FGD3: variants seen among roughly 807,000 people sequenced by gnomAD.
The protein encoded by FGD3 is FYVE, RhoGEF and PH domain-containing protein 3.
A neutral mutation model predicts 71.8 loss-of-function variants in FGD3; 45 were observed. The observed-to-expected ratio is 0.63, with a 90% confidence interval of 0.49 to 0.80. The LOEUF is 0.80. FGD3 is among the 30% of genes least tolerant of loss of function. FGD3 has a pLI of 0.00. For synonymous variants in FGD3, 378 were observed against 392.8 expected, an observed-to-expected ratio of 0.96 and a Z score of 0.44; for missense variants, 844 against 951.5, an observed-to-expected ratio of 0.89 and a Z score of 1.49.
intron 1 of FGD3, among the ~76,000 whole-genome samples, chr9:92,955,450 C>A: frequency 6.6e-6 from 1 of 152,012 alleles, no homozygotes; most frequent in East Asian, 1.9e-4. Flanking sequence ...GCAGCCTGGG[C>A]AAAGAGAGCA....
chr9:93,018,025 A>G, intron 10 of FGD3, 111 bp from the exon 11 acceptor site: 1 of 985,504 alleles, frequency 1.0e-6, no homozygotes, highest in Non-Finnish European at 1.6e-6. Context: ...GTGGGGCTGC[A>G]GGCTCACCTC....
Position 93,003,916 on chromosome 9 carries a change from C to G in FGD3, c.544-85C>G. On this transcript the variant is annotated intron_variant, in intron 4 of 17. Coordinates refer to ENST00000375482, the MANE Select transcript of FGD3 (RefSeq NM_001083536.2). This position sits in a 1 kb window ranked among gnomAD's most constrained non-coding sequence, Gnocchi z 4.1. ...GGTGGCAGCAGCGGCCCCTCCCGAG[C>G]GCCCTCACCTGTGGCCGAAGCGGGG... The G allele has an allele frequency of 6.5e-7, 1 of 1,530,198 alleles. No individual in the cohort carries two copies. Among genetic ancestry groups the G allele is most frequent in the Non-Finnish European group, 8.9e-7 (1 of 1,123,248 alleles). 94.8% of individuals were successfully genotyped at this position (1,530,198 alleles called of 1,614,324 possible).
At chr9:93,017,084 T>C (rs1412153523) in intron 10 of FGD3, among the ~76,000 whole-genome samples, 4 of 152,050 alleles carry the variant, frequency 2.6e-5, no homozygotes, top group African/African-American at 9.7e-5. Flanking sequence ...GCCTGGGCAA[T>C]GTAGTGAAAC....
chr9:92,963,498 C>A (rs1476965380), intron 1 of FGD3, among the ~76,000 whole-genome samples: 1 of 152,100 alleles, frequency 6.6e-6, no homozygotes, highest in Non-Finnish European at 1.5e-5. Context: ...CAGGGTTTCA[C>A]CAAGTTGGCC....
At position 93,015,781 on chromosome 9, in the gene FGD3, G is replaced by A. The variant is rs1290212757; in HGVS notation, c.1227G>A (p.Met409Ile). 2.5e-6 allele frequency: 4 copies of A among 1,614,036 alleles called. No homozygotes were observed. The African/African-American group carries it at 5.3e-5, about 22-fold the overall frequency. ...ACTGTGTGCCCAAGCTGCGGCTCATGGGCCAGAAGTTCAGCGTCCGGGAGA... is the reference window on the plus strand; with the variant it reads ...ACTGTGTGCCCAAGCTGCGGCTCATAGGCCAGAAGTTCAGCGTCCGGGAGA... ...ILYCVPKLRL[M>I]GQKFSVREKM... The change falls in exon 10 of 18, where the codon ATG becomes ATA. Residue 409 changes from methionine (M) to isoleucine (I), a missense_variant. Physicochemically the swap from Met to Ile is conservative, Grantham distance 10 (BLOSUM62 1). Transcript: ENST00000375482.
intron 1 of FGD3, among the ~76,000 whole-genome samples, chr9:92,974,213 C>T (rs1859638971): frequency 6.6e-6 from 1 of 152,166 alleles, no homozygotes; most frequent in Non-Finnish European, 1.5e-5. Context: ...AGACAGCTAC[C>T]TTTGAACACA....
rs568136501 is a variant in FGD3 at position 92,969,356 on chromosome 9, C to T, written c.-217-5882C>T. Among the ~76,000 whole-genome samples, 4 of 152,354 alleles carry T rather than the reference C, an allele frequency of 2.6e-5. No individual in the cohort carries two copies. The East Asian group carries it at 7.7e-4, about 29-fold the overall frequency. ...GGCTTCCAAGTGTGAGAGCCCAGAG[C>T]TGTCTTCCCTCCTGACCTGGCCTCC... On this transcript the variant is annotated intron_variant, in intron 1 of 17. Coordinates refer to ENST00000375482, the MANE Select transcript of FGD3 (RefSeq NM_001083536.2). The surrounding 1 kb of genome is among the most constrained non-coding windows in gnomAD (Gnocchi z 4.5).
chr9:92,955,995 A>C (rs1587809137), intron 1 of FGD3, among the ~76,000 whole-genome samples: 2 of 152,284 alleles, frequency 1.3e-5, no homozygotes, highest in South Asian at 4.1e-4. Flanking sequence ...TTAATGTGTA[A>C]ATGACAACAT....
chr9:93,015,728 C>T lies in FGD3; in HGVS notation c.1183-9C>T. 6.2e-7 allele frequency: 1 copy of T among 1,613,826 alleles called. No homozygotes were observed. The highest frequency in any genetic ancestry group is 1.1e-5 in the South Asian group (1 of 91,066). On this transcript the variant is annotated splice_polypyrimidine_tract_variant and intron_variant, in intron 9 of 17. Coordinates refer to ENST00000375482, the MANE Select transcript of FGD3 (RefSeq NM_001083536.2). ...CTCTCGTTCCTCACCTGTGCCATCC[C>T]TCTTGCAGTTCAACAGCATGATCCT...
At chr9:93,022,569 C>CGGAGG (rs1327275868) in intron 14 of FGD3, among the ~76,000 whole-genome samples, 180 bp downstream of exon 14, 1 of 152,048 alleles carries the variant, frequency 6.6e-6, no homozygotes, top group African/African-American at 2.4e-5. Flanking sequence ...GGAGGTGAAG[C>CGGAGG]TATGTCTGAG....
chr9:93,010,251 G>A lies in FGD3; in HGVS notation c.843G>A (p.Gln281=). The change falls in exon 7 of 18, where the codon CAG becomes CAA. Residue 281 remains glutamine (Q), a synonymous_variant. Coordinates refer to ENST00000375482, the MANE Select transcript of FGD3 (RefSeq NM_001083536.2). ...TGCTCCCTCTGTCCCCACAGAAGCA[G>A]GAGGTATGCGGGAACCTGACGCTGC... The part of the protein sequence containing the change: ...FKDVVHSIQK[Q]EVCGNLTLQH... 1 of 1,608,574 alleles carries A rather than the reference G, an allele frequency of 6.2e-7. No homozygotes were observed. Among genetic ancestry groups the A allele is most frequent in the African/African-American group, 1.3e-5 (1 of 74,928 alleles).
At chr9:92,971,397 G>A (rs1328592892) in intron 1 of FGD3, among the ~76,000 whole-genome samples, 1 of 151,842 alleles carries the variant, frequency 6.6e-6, no homozygotes, top group Non-Finnish European at 1.5e-5. Context: ...GGCTGCTTGG[G>A]CCTCCTAGGC....
chr9:93,009,415 G>A (rs1242284022), intron 6 of FGD3, among the ~76,000 whole-genome samples: 3 of 152,238 alleles, frequency 2.0e-5, no homozygotes, highest in Non-Finnish European at 4.4e-5. Flanking sequence ...AAGCCGTTCT[G>A]TTCTGGGCCC....
chr9:93,019,953 T>C, intron 12 of FGD3, 92 bp downstream of exon 12: 1 of 1,349,510 alleles, frequency 7.4e-7, no homozygotes, highest in Non-Finnish European at 1.1e-6. Flanking sequence ...GGCCCTGGCC[T>C]CCGGGACTGC....
intron 14 of FGD3, among the ~76,000 whole-genome samples, chr9:93,027,273 G>A (rs1209392526): frequency 6.6e-6 from 1 of 152,176 alleles, no homozygotes; most frequent in African/African-American, 2.4e-5. Flanking sequence ...GAAGTGCCCG[G>A]CCAGAATTTG....
intron 1 of FGD3, among the ~76,000 whole-genome samples, chr9:92,962,742 C>G (rs1326304383): frequency 6.6e-6 from 1 of 152,090 alleles, no homozygotes; most frequent in Non-Finnish European, 1.5e-5. Context: ...GGAGTTGAGA[C>G]CAGCCTGGCT....
chr9:92,986,222 T>C (rs973102155), intron 3 of FGD3, among the ~76,000 whole-genome samples: 6 of 152,202 alleles, frequency 3.9e-5, no homozygotes, highest in Admixed American at 3.3e-4. Context: ...AGCCAGCCTA[T>C]ATCCTTATCT....
chr9:93,024,044 G>A lies in FGD3; in HGVS notation c.1557+1655G>A, dbSNP rs570379958. Among the ~76,000 whole-genome samples the A allele has an allele frequency of 2.3e-3, 348 of 151,966 alleles. 1 individual carries two copies. Among genetic ancestry groups the A allele is most frequent in the African/African-American group, 8.1e-3 (337 of 41,464 alleles). ...TCTCAATCTCTTGACCTTGTGATCC[G>A]CCCGCCTCAGCTGGGATTACAGGCG... On this transcript the variant is annotated intron_variant, in intron 14 of 17. Transcript: ENST00000375482.
rs540973896 is a variant in FGD3 at position 93,024,448 on chromosome 9, G to C, written c.1557+2059G>C. On this transcript the variant is annotated intron_variant, in intron 14 of 17. Coordinates refer to ENST00000375482, the MANE Select transcript of FGD3 (RefSeq NM_001083536.2). ...CACACACACAGCTCACATAAGGTAT[G>C]AACTTGGCTGGCCTCTGCCTGATGA... is the stretch of plus-strand genomic sequence containing the variant. Among the ~76,000 whole-genome samples the C allele has an allele frequency of 4.0e-4, 61 of 152,386 alleles. 1 individual carries two copies. Among genetic ancestry groups the C allele is most frequent in the Middle Eastern group, 3.4e-3 (1 of 294 alleles).
Sources: gnomAD v4.1 joint callset for allele counts (sites outside exome capture counted in the v4.1 genomes callset) on GRCh38, gnomAD v4.1.1 for gene constraint, Gnocchi (gnomAD v3.1) non-coding constraint, MANE v1.5 for transcripts, NCBI Gene and HGNC (gene_info 2026-07-23, HGNC 2026-07-21) for gene names.